The following ARHGAP18 variants were observed in gnomAD, a reference collection of about 807,000 sequenced individuals.
The protein encoded by ARHGAP18 is rho GTPase-activating protein 18.
In ARHGAP18, 67 loss-of-function variants were observed where a neutral mutation model predicts 86.2. The observed-to-expected ratio is 0.78, with a 90% CI of 0.64 to 0.95. The LOEUF is 0.95. Ranked by LOEUF, ARHGAP18 falls within the 40% of genes least tolerant of loss-of-function variation. The pLI is 0.00. For synonymous variants in ARHGAP18, 283 were observed against 280.4 expected, an observed-to-expected ratio of 1.01 and a Z score of -0.09; for missense variants, 691 against 780.4, an observed-to-expected ratio of 0.89 and a Z score of 1.37.
chr6:129,690,874 C>T (rs1774515508), intron 1 of ARHGAP18, among the ~76,000 whole-genome samples: 2 of 152,104 alleles, frequency 1.3e-5, no homozygotes, highest in African/African-American at 4.8e-5. Context: ...CAAAGATTTT[C>T]TTAAAATCTT....
Position 129,607,930 on chromosome 6 carries a change from G to A in ARHGAP18, c.1245C>T (p.Leu415=), listed in dbSNP as rs1277449352. 6.2e-7 allele frequency: 1 copy of A among 1,613,688 alleles called. No individual in the cohort carries two copies. Among genetic ancestry groups the A allele is most frequent in the East Asian group, 2.2e-5 (1 of 44,872 alleles). ...LFIRELPQPL[L]SVEYLKAFQA... The stretch of plus-strand genomic sequence containing the variant: ...GAAAGGCTTTGAGATACTCCACACT[G>A]AGCAGTGGCTGGGGCAACTCCCGAA... Residue 415 remains leucine (L), a synonymous_variant, in exon 9 of 15, where the codon CTC becomes CTT. Coordinates refer to ENST00000368149, the MANE Select transcript of ARHGAP18 (RefSeq NM_033515.3).
intron 1 of ARHGAP18, among the ~76,000 whole-genome samples, chr6:129,661,541 G>T (rs1773952156): frequency 1.3e-5 from 2 of 149,004 alleles, no homozygotes; most frequent in Admixed American, 6.7e-5. Flanking sequence ...CTATTTGCTG[G>T]GGTGGGGGAA....
chr6:129,621,986 A>G (rs1480335916), intron 5 of ARHGAP18, among the ~76,000 whole-genome samples: 1 of 152,128 alleles, frequency 6.6e-6, no homozygotes, highest in African/African-American at 2.4e-5. Flanking sequence ...CAGAGTAGGC[A>G]GGGAGATATC....
intron 2 of ARHGAP18, among the ~76,000 whole-genome samples, chr6:129,639,179 G>C (rs973658353): frequency 6.8e-6 from 1 of 147,564 alleles, no homozygotes; most frequent in African/African-American, 2.4e-5. Context: ...ATCAGATTAT[G>C]TATTTTTACA....
chr6:129,592,217 T>C (rs922779361), intron 12 of ARHGAP18, among the ~76,000 whole-genome samples: 1 of 152,202 alleles, frequency 6.6e-6, no homozygotes, highest in Non-Finnish European at 1.5e-5. Flanking sequence ...CCCAAGTAAA[T>C]CCAGCCACTA....
At chr6:129,582,480 T>C (rs1192747438) in intron 13 of ARHGAP18, among the ~76,000 whole-genome samples, 1 of 152,146 alleles carries the variant, frequency 6.6e-6, no homozygotes, top group African/African-American at 2.4e-5. Flanking sequence ...AGGTACACGT[T>C]CTGGGAGAGA....
At chr6:129,632,362 C>G (rs1015022566) in intron 4 of ARHGAP18, among the ~76,000 whole-genome samples, 2 of 152,210 alleles carry the variant, frequency 1.3e-5, no homozygotes, top group Non-Finnish European at 2.9e-5. Flanking sequence ...TTGCCTGCTG[C>G]AAGCCAGGCA....
At chr6:129,646,459 TC>T (rs1773581414) in intron 1 of ARHGAP18, among the ~76,000 whole-genome samples, 1 of 152,178 alleles carries the variant, frequency 6.6e-6, no homozygotes, top group Non-Finnish European at 1.5e-5. Flanking sequence ...GTCTCAGGAC[TC>T]CTTTACACAC....
intron 4 of ARHGAP18, among the ~76,000 whole-genome samples, chr6:129,633,681 A>ATTC: frequency 6.6e-6 from 1 of 152,198 alleles, no homozygotes; most frequent in Non-Finnish European, 1.5e-5. Context: ...TGCATTGGAA[A>ATTC]GTGGCTTCAC....
intron 1 of ARHGAP18, among the ~76,000 whole-genome samples, chr6:129,657,614 C>T (rs1222372794): frequency 6.6e-6 from 1 of 152,080 alleles, no homozygotes; most frequent in East Asian, 1.9e-4. Flanking sequence ...ATTTCAGTTC[C>T]TCTCTGCAGA....
In ARHGAP18 at chr6:129,710,088, G is replaced by T; in HGVS notation, c.49C>A (p.Pro17Thr). 6.2e-7 allele frequency: 1 copy of T among 1,614,114 alleles called. No homozygotes were observed. The highest frequency in any genetic ancestry group is 8.5e-7 in the Non-Finnish European group (1 of 1,179,972). ...SQGVVLTAYH[P>T]SGKDQTVGNS... The stretch of plus-strand genomic sequence containing the variant: ...CCGACGGTCTGGTCCTTGCCGCTGG[G>T]GTGGTAGGCTGTTAGTACCACTCCC... The change falls in exon 1 of 15, where the codon CCC (proline) becomes ACC (threonine). Residue 17 changes from proline (P) to threonine (T), a missense_variant. Transcript: ENST00000368149.
At chr6:129,653,209 T>G (rs944198188) in intron 1 of ARHGAP18, among the ~76,000 whole-genome samples, 13 of 151,960 alleles carry the variant, frequency 8.6e-5, no homozygotes, top group African/African-American at 2.9e-4. Flanking sequence ...AGACAAACAC[T>G]GGATGAAAAT....
intron 1 of ARHGAP18, among the ~76,000 whole-genome samples, chr6:129,670,063 T>C (rs994913741): frequency 6.6e-6 from 1 of 152,236 alleles, no homozygotes; most frequent in Non-Finnish European, 1.5e-5. Flanking sequence ...TGTATAATTT[T>C]TCTCCTCAGG....
intron 2 of ARHGAP18, among the ~76,000 whole-genome samples, chr6:129,639,757 C>T (rs938075923): frequency 6.6e-6 from 1 of 152,102 alleles, no homozygotes; most frequent in South Asian, 2.1e-4. Flanking sequence ...AAAAGTAAGT[C>T]AGCAAGGCCG....
intron 1 of ARHGAP18, among the ~76,000 whole-genome samples, chr6:129,652,078 C>T (rs1352339572): frequency 1.3e-5 from 2 of 152,226 alleles, no homozygotes; most frequent in Non-Finnish European, 2.9e-5. Context: ...AAATACATTT[C>T]TGTTGTTTAT....
intron 1 of ARHGAP18, among the ~76,000 whole-genome samples, chr6:129,651,889 A>C (rs1773718850): frequency 6.6e-6 from 1 of 151,052 alleles, no homozygotes; most frequent in Non-Finnish European, 1.5e-5. Flanking sequence ...TATTAGAAAA[A>C]TGGAACCCTT....
chr6:129,617,362 C>A (rs1405259254), intron 6 of ARHGAP18, among the ~76,000 whole-genome samples: 3 of 152,120 alleles, frequency 2.0e-5, no homozygotes, highest in Non-Finnish European at 4.4e-5. Flanking sequence ...AGGGGATTAT[C>A]TTGTGGTATG....
At chr6:129,681,479 G>A (rs1414911525) in intron 1 of ARHGAP18, among the ~76,000 whole-genome samples, 4 of 152,208 alleles carry the variant, frequency 2.6e-5, no homozygotes, top group African/African-American at 9.7e-5. Flanking sequence ...ATGACTGCTT[G>A]TATATAAGCC....
chr6:129,596,701 A>G (rs922131422), intron 12 of ARHGAP18: 7 of 152,204 alleles, frequency 4.6e-5, no homozygotes, highest in Non-Finnish European at 8.8e-5. Context: ...TTCATGCCCT[A>G]TAGTTTCATA....
Sources: allele counts gnomAD v4.1 joint callset (sites outside exome capture counted in the v4.1 genomes callset), GRCh38; gene constraint gnomAD v4.1.1; transcripts MANE v1.5; gene names NCBI Gene and HGNC (gene_info 2026-07-23, HGNC 2026-07-21).